CTCFL: variants seen among roughly 807,000 people sequenced by gnomAD.
CTCFL encodes the protein transcriptional repressor CTCFL.
Under a neutral mutation model 67.4 loss-of-function variants are expected in CTCFL, and 36 were observed. The ratio of observed to expected loss-of-function variants is 0.53; its 90% confidence interval spans 0.41 to 0.71. The LOEUF (loss-of-function observed/expected upper bound fraction) is 0.71. Ranked by LOEUF, CTCFL falls within the 30% of genes least tolerant of loss-of-function variation. CTCFL has a pLI of 0.00. For missense variants in CTCFL, 786 were observed against 835.2 expected, an observed-to-expected ratio of 0.94 and a Z score of 0.73; for synonymous variants, 324 against 302.3, an observed-to-expected ratio of 1.07 and a Z score of -0.75.
rs552691774 is a variant in CTCFL at position 57,513,574 on chromosome 20, C to CA, written c.1331-823dup. On this transcript the variant is annotated intron_variant, in intron 7 of 10. Transcript: ENST00000243914. ...AAACCATGTTACTTTGCCATGGTGT[C>CA]AAAAAAGTCTAGCAACTGGCTAGAC... 4.4e-5 allele frequency: 49 copies of CA among 1,107,730 alleles called. 1 individual carries two copies. In the East Asian group the frequency reaches 3.5e-3, roughly 79 times the overall value. 68.6% of individuals were successfully genotyped at this position (1,107,730 alleles called of 1,614,324 possible).
chr20:57,522,958 T>G, intron 3 of CTCFL, 110 bp downstream of exon 3: 1 of 839,192 alleles, frequency 1.2e-6, no homozygotes, highest in Middle Eastern at 2.6e-4. Flanking sequence ...TTTCCTGACA[T>G]TTTGAAAGTA....
rs1219086469 is a variant in CTCFL at position 57,497,493 on chromosome 20, C to T, written c.*1057G>A. The stretch of plus-strand genomic sequence containing the variant: ...TACAGGGGTGGAGACAGGTTGGCAG[C>T]AAAACAAACTGCTCAACTAAGCAAT... On this transcript the variant is annotated 3_prime_UTR_variant, in exon 11 of 11. Coordinates refer to ENST00000243914, the MANE Select transcript of CTCFL (RefSeq NM_001386993.1). The T allele has an allele frequency of 5.1e-6, 5 of 985,320 alleles. No homozygotes were observed. The highest frequency in any genetic ancestry group is 6.0e-6 in the Non-Finnish European group (5 of 829,906). 61.0% of individuals were successfully genotyped at this position (985,320 alleles called of 1,614,324 possible).
intron 3 of CTCFL, 129 bp downstream of exon 3, chr20:57,522,939 T>G: frequency 2.8e-6 from 2 of 717,964 alleles, no homozygotes; most frequent in South Asian, 3.8e-5. Context: ...TAGTTTAAAA[T>G]TTCTCCCATT....
Position 57,514,647 on chromosome 20 carries a change from G to A in CTCFL, c.1275C>T (p.Val425=), listed in dbSNP as rs761337083. 6.2e-7 allele frequency: 1 copy of A among 1,614,186 alleles called. No homozygotes were observed. The highest frequency in any genetic ancestry group is 2.2e-5 in the East Asian group (1 of 44,892). Residue 425 remains valine (V), a synonymous_variant, in exon 7 of 11, where the codon GTC becomes GTT. Transcript: ENST00000243914. ...CACAATGGGGACACTGGTATTTGGG[G>A]ACATTTTCGCCGTGTTTCTGCAGAA... The part of the protein sequence containing the change: ...IHILQKHGEN[V]PKYQCPHCAT...
intron 10 of CTCFL, chr20:57,500,377 A>G: frequency 3.8e-6 from 1 of 263,586 alleles, no homozygotes. Context: ...ACTTGAACCC[A>G]GGAGGCAGAG....
At chr20:57,507,362 CTT>C (rs35926305) in intron 9 of CTCFL, 1,308 of 480,356 alleles carry the variant, frequency 2.7e-3, no homozygotes, top group East Asian at 3.3e-3. Flanking sequence ...TAGCTATTTT[CTT>C]TTTTTTTTTT....
intron 5 of CTCFL, among the ~76,000 whole-genome samples, chr20:57,517,910 C>T (rs1022890109): frequency 6.6e-6 from 1 of 152,204 alleles, no homozygotes; most frequent in African/African-American, 2.4e-5. Flanking sequence ...CATTCTCATA[C>T]TACAATCACA....
intron 10 of CTCFL, among the ~76,000 whole-genome samples, chr20:57,501,403 G>T (rs1341045379): frequency 2.5e-5 from 3 of 121,854 alleles, no homozygotes; most frequent in African/African-American, 9.1e-5. Flanking sequence ...GTGGGTGGGG[G>T]ACATAAAGCT....
chr20:57,515,946 C>T, intron 5 of CTCFL, 112 bp from the exon 6 acceptor site: 1 of 1,214,238 alleles, frequency 8.2e-7, no homozygotes, highest in Non-Finnish European at 1.1e-6. Flanking sequence ...AACATCAGAG[C>T]ACCAGAGCAT....
At position 57,513,728 on chromosome 20, in the gene CTCFL, G is replaced by A. The variant is rs1037500254; in HGVS notation, c.1330+864C>T. The A allele has an allele frequency of 3.3e-6, 4 of 1,212,042 alleles. No individual in the cohort carries two copies. In the Admixed American group the frequency reaches 1.0e-4, roughly 31 times the overall value. The allele number at this position is 1,212,042 out of a possible 1,614,324, so 75.1% of individuals were successfully genotyped here. A position where few individuals can be genotyped will look rare whatever the true frequency, so the allele number is the denominator to read the frequency against. ...GGAACACCTTTCGCCTTTCAGAAAG[G>A]TTTTCAAAAAAATTCATCTCATCTC... On this transcript the variant is annotated intron_variant, in intron 7 of 10. Transcript: ENST00000243914.
At chr20:57,505,387 C>T (rs541283322) in intron 9 of CTCFL, among the ~76,000 whole-genome samples, 1 of 151,806 alleles carries the variant, frequency 6.6e-6, no homozygotes, top group East Asian at 1.9e-4. Flanking sequence ...TCCCGAGTAG[C>T]TGGGACTACA....
At position 57,498,501 on chromosome 20, in the gene CTCFL, T is replaced by G; in HGVS notation, c.*49A>C. ...TCACACCTTAAATGCTAAAAACTTC[T>G]AACTTGCTTTAGGAATTGGGGGCAG... On this transcript the variant is annotated 3_prime_UTR_variant, in exon 11 of 11. Coordinates refer to ENST00000243914, the MANE Select transcript of CTCFL (RefSeq NM_001386993.1). 6.3e-7 allele frequency: 1 copy of G among 1,582,726 alleles called. No homozygotes were observed. Among genetic ancestry groups the G allele is most frequent in the East Asian group, 2.3e-5 (1 of 44,198 alleles).
chr20:57,507,740 C>T, intron 9 of CTCFL: 2 of 702,970 alleles, frequency 2.8e-6, no homozygotes, highest in Non-Finnish European at 5.2e-6. Flanking sequence ...CAGGAGTGGC[C>T]CTGAGCCAGG....
At chr20:57,517,570 G>A (rs1043799895) in intron 5 of CTCFL, among the ~76,000 whole-genome samples, 13 of 152,004 alleles carry the variant, frequency 8.6e-5, no homozygotes, top group Middle Eastern at 6.3e-3. Context: ...GAGCCACCGC[G>A]CCCGGCCAAT....
In CTCFL at chr20:57,507,601, A is replaced by G. The variant is rs1167867429; in HGVS notation, c.1674+1005T>C. 4.3e-6 allele frequency: 3 copies of G among 703,006 alleles called. No individual in the cohort carries two copies. The African/African-American group carries it at 5.2e-5, about 12-fold the overall frequency. 43.5% of individuals were successfully genotyped at this position (703,006 alleles called of 1,614,324 possible). On this transcript the variant is annotated intron_variant, in intron 9 of 10. Transcript: ENST00000243914. ...AGGACACTCAAGCAGCCCTGCAGAG[A>G]GGTCCCTGTAGCAAGGAACTGAGGC...
At chr20:57,518,279 T>A (rs4811868) in intron 5 of CTCFL, among the ~76,000 whole-genome samples, 283 of 152,170 alleles carry the variant, frequency 1.9e-3, no homozygotes, top group African/African-American at 6.6e-3. Context: ...AAAATGACTA[T>A]GGCACACCTG....
At chr20:57,525,212 G>A (rs1447812964), upstream of CTCFL, 1 of 146,068 alleles carries the variant, frequency 6.8e-6, no homozygotes, top group Non-Finnish European at 1.5e-5. Flanking sequence ...GCAGGGTTGG[G>A]GGAGGGGGTG....
chr20:57,505,911 G>A (rs73168449), intron 9 of CTCFL, among the ~76,000 whole-genome samples: 3 of 152,164 alleles, frequency 2.0e-5, no homozygotes, highest in African/African-American at 4.8e-5. Context: ...CAAATTATGC[G>A]AAACATCCCG....
Position 57,519,200 on chromosome 20 carries a change from G to A in CTCFL, c.925+7C>T. 1.9e-6 allele frequency: 3 copies of A among 1,613,724 alleles called. No homozygotes were observed. Among genetic ancestry groups the A allele is most frequent in the Non-Finnish European group, 2.5e-6 (3 of 1,179,672 alleles). Reference sequence around the variant, plus strand: ...TTCCAGAGAAACAGCCTTCCCGGCAGTTTTACCTGTGTGGGTGTTAACATG... The same window carrying A: ...TTCCAGAGAAACAGCCTTCCCGGCAATTTTACCTGTGTGGGTGTTAACATG... On this transcript the variant is annotated splice_region_variant and intron_variant, in intron 4 of 10. Coordinates refer to ENST00000243914, the MANE Select transcript of CTCFL (RefSeq NM_001386993.1).
Sources: allele counts gnomAD v4.1 joint callset (sites outside exome capture counted in the v4.1 genomes callset), GRCh38; gene constraint gnomAD v4.1.1; transcripts MANE v1.5; gene names NCBI Gene and HGNC (gene_info 2026-07-23, HGNC 2026-07-21).